Variants in CHRNB3 observed in about 807,000 individuals in gnomAD.
CHRNB3 encodes neuronal acetylcholine receptor subunit beta-3.
Under a neutral mutation model 40.6 loss-of-function variants are expected in CHRNB3, and 37 were observed. The observed-to-expected ratio is 0.91, with a 90% CI of 0.70 to 1.20. The LOEUF (loss-of-function observed/expected upper bound fraction) is 1.20. Ranked by LOEUF, CHRNB3 falls within the 50% of genes most tolerant of loss-of-function variation. The pLI, the probability that CHRNB3 is intolerant of heterozygous loss-of-function variation, is 0.00. For synonymous variants in CHRNB3, 207 were observed against 207.1 expected, an observed-to-expected ratio of 1.00 and a Z score of 0.00; for missense variants, 505 against 551.2, an observed-to-expected ratio of 0.92 and a Z score of 0.84.
chr8:42,705,494 CTT>C (rs1336259467), intron 1 of CHRNB3: 2 of 152,306 alleles, frequency 1.3e-5, no homozygotes, highest in African/African-American at 2.4e-5. Flanking sequence ...TTGGCACCCT[CTT>C]GTCTCTCTCA....
At chr8:42,713,827 T>C (rs767998737) in intron 3 of CHRNB3, among the ~76,000 whole-genome samples, 1 of 152,198 alleles carries the variant, frequency 6.6e-6, no homozygotes, top group Admixed American at 6.5e-5. Flanking sequence ...TTTATAGAGA[T>C]AGAAGAGTCC....
intron 1 of CHRNB3, among the ~76,000 whole-genome samples, chr8:42,703,160 A>C (rs1245368182): frequency 1.3e-5 from 2 of 151,990 alleles, no homozygotes; most frequent in Admixed American, 1.3e-4. Flanking sequence ...GTGGTGGCTC[A>C]TGCCTGTAAT....
intron 3 of CHRNB3, chr8:42,714,857 A>G (rs1235387048): frequency 6.6e-6 from 1 of 152,202 alleles, no homozygotes; most frequent in African/African-American, 2.4e-5. Flanking sequence ...ATGTAGAGAA[A>G]TCTTTCACTT....
intron 5 of CHRNB3, among the ~76,000 whole-genome samples, chr8:42,735,539 GCAAAACAAAA>G (rs377595318): frequency 1.3e-5 from 2 of 152,002 alleles, no homozygotes; most frequent in East Asian, 1.9e-4. Flanking sequence ...TCTCAAAAAA[GCAAAACAAAA>G]CAAAACAAAA....
chr8:42,729,747 C>A (rs1358360740), intron 3 of CHRNB3, among the ~76,000 whole-genome samples: 1 of 152,100 alleles, frequency 6.6e-6, no homozygotes, highest in Non-Finnish European at 1.5e-5. Context: ...ACACGAGGGG[C>A]TGTAGAATAG....
intron 3 of CHRNB3, among the ~76,000 whole-genome samples, chr8:42,712,059 C>A (rs1381679900): frequency 6.6e-6 from 1 of 152,104 alleles, no homozygotes; most frequent in Non-Finnish European, 1.5e-5. Context: ...ATGGCGCAAT[C>A]TCGGCTCACT....
intron 3 of CHRNB3, among the ~76,000 whole-genome samples, chr8:42,728,255 A>G (rs569528165): frequency 2.4e-4 from 37 of 152,324 alleles, no homozygotes; most frequent in African/African-American, 8.7e-4. Flanking sequence ...TCTGGGCTCA[A>G]TGGCTCATAC....
chr8:42,700,048 C>CT (rs1399353404), intron 1 of CHRNB3, among the ~76,000 whole-genome samples: 2 of 150,904 alleles, frequency 1.3e-5, no homozygotes, highest in African/African-American at 4.9e-5. Context: ...GAGTCTCGCT[C>CT]TGTCGCCCAG....
intron 1 of CHRNB3, among the ~76,000 whole-genome samples, chr8:42,705,263 T>C (rs757269678): frequency 3.9e-5 from 6 of 152,184 alleles, no homozygotes; most frequent in Non-Finnish European, 8.8e-5. Context: ...CCTGAATAAA[T>C]TTAGCATCTG....
intron 4 of CHRNB3, among the ~76,000 whole-genome samples, chr8:42,731,351 C>T (rs1354628135): frequency 6.6e-6 from 1 of 151,944 alleles, no homozygotes; most frequent in Non-Finnish European, 1.5e-5. Context: ...GTCAGGAGTT[C>T]GGGACCAGCC....
intron 5 of CHRNB3, among the ~76,000 whole-genome samples, chr8:42,734,445 A>T (rs1816485297): frequency 1.4e-5 from 2 of 141,394 alleles, no homozygotes; most frequent in Non-Finnish European, 3.0e-5. Flanking sequence ...TTTGAGATGG[A>T]GTCTCGCTCT....
intron 1 of CHRNB3, among the ~76,000 whole-genome samples, chr8:42,701,321 A>ACTTGAG (rs1171500303): frequency 6.6e-6 from 1 of 151,828 alleles, no homozygotes. Context: ...CAGGAGGATT[A>ACTTGAG]CTTGAGCCCA....
chr8:42,716,655 T>C (rs1221259462), intron 3 of CHRNB3, among the ~76,000 whole-genome samples: 1 of 152,008 alleles, frequency 6.6e-6, no homozygotes, highest in Non-Finnish European at 1.5e-5. Flanking sequence ...AAAGGGGTGG[T>C]AACTTCCGGG....
chr8:42,716,478 C>T (rs931678235), intron 3 of CHRNB3, among the ~76,000 whole-genome samples: 2 of 152,158 alleles, frequency 1.3e-5, no homozygotes, highest in African/African-American at 4.8e-5. Context: ...AACTCAAGGA[C>T]AGCGGCAGCA....
At chr8:42,727,372 CG>C (rs149021135) in intron 3 of CHRNB3, among the ~76,000 whole-genome samples, 8,230 of 105,950 alleles carry the variant, frequency 0.078, 296 homozygotes, top group Middle Eastern at 0.17. Flanking sequence ...GACTCTGTCT[CG>C]AAAAAAAAAA....
intron 3 of CHRNB3, among the ~76,000 whole-genome samples, chr8:42,714,356 G>A (rs1816065894): frequency 6.6e-6 from 1 of 151,926 alleles, no homozygotes; most frequent in Non-Finnish European, 1.5e-5. Context: ...AAAAAAATTA[G>A]CCAGGCGTGG....
chr8:42,721,310 A>G (rs1267217700), intron 3 of CHRNB3, among the ~76,000 whole-genome samples: 3 of 152,178 alleles, frequency 2.0e-5, no homozygotes, highest in South Asian at 2.1e-4. Flanking sequence ...GGCCCCTGCT[A>G]TATTCCCAGG....
chr8:42,703,218 G>C (rs1024551224), intron 1 of CHRNB3, among the ~76,000 whole-genome samples: 1 of 151,734 alleles, frequency 6.6e-6, no homozygotes, highest in Non-Finnish European at 1.5e-5. Context: ...GAGGTCGGGA[G>C]TTCAAGACCA....
At chr8:42,703,324 T>A (rs1273261269) in intron 1 of CHRNB3, among the ~76,000 whole-genome samples, 2 of 150,306 alleles carry the variant, frequency 1.3e-5, no homozygotes. Flanking sequence ...CTCAGGAAGC[T>A]GAGGCATGAG....
Sources: allele counts gnomAD v4.1 joint callset (sites outside exome capture counted in the v4.1 genomes callset), GRCh38; gene constraint gnomAD v4.1.1; transcripts MANE v1.5; gene names NCBI Gene and HGNC (gene_info 2026-07-23, HGNC 2026-07-21).